The following IGSF11 variants were observed in gnomAD, a reference collection of about 807,000 sequenced individuals.
The protein encoded by IGSF11 is immunoglobulin superfamily member 11.
A neutral mutation model predicts 41.0 loss-of-function variants in IGSF11; 22 were observed. That is an observed-to-expected ratio of 0.54 (90% confidence interval 0.38 to 0.77). The LOEUF is 0.77. IGSF11 is among the 30% of genes least tolerant of loss of function. IGSF11 has a pLI of 0.00. For missense variants in IGSF11, 444 were observed against 530.8 expected (o/e 0.84, Z 1.61); for synonymous variants, 219 against 201.3 (o/e 1.09, Z -0.74).
chr3:119,066,903 T>C (rs779274013), intron 1 of IGSF11, among the ~76,000 whole-genome samples: 4 of 152,218 alleles, frequency 2.6e-5, no homozygotes, highest in Non-Finnish European at 5.9e-5. Context: ...TTCTTAGAGA[T>C]TCCAATTCTC....
intron 1 of IGSF11, among the ~76,000 whole-genome samples, chr3:119,043,924 C>T (rs9873163): frequency 2.5e-3 from 378 of 152,216 alleles, no homozygotes; most frequent in Non-Finnish European, 4.6e-3. Context: ...CCCTTGAGTT[C>T]CAGATCTTTC....
chr3:119,029,316 A>G (rs541683606), intron 1 of IGSF11, among the ~76,000 whole-genome samples: 2 of 152,020 alleles, frequency 1.3e-5, no homozygotes, highest in Non-Finnish European at 2.9e-5. Context: ...GCGGGCAAGC[A>G]CAGGAGGAGA....
chr3:119,103,037 G>T (rs1186884098), intron 1 of IGSF11, among the ~76,000 whole-genome samples: 1 of 132,900 alleles, frequency 7.5e-6, no homozygotes, highest in East Asian at 2.2e-4. Context: ...TCGCTCTGTC[G>T]CCCAGGCTGG....
At chr3:118,917,787 G>A (rs1363940197) in intron 4 of IGSF11, among the ~76,000 whole-genome samples, 6 of 150,972 alleles carry the variant, frequency 4.0e-5, no homozygotes, top group East Asian at 2.0e-4. Context: ...TACCAAAGCC[G>A]GGCAGAGACA....
chr3:118,949,486 T>C (rs1944418055), intron 1 of IGSF11, among the ~76,000 whole-genome samples: 1 of 152,066 alleles, frequency 6.6e-6, no homozygotes, highest in Non-Finnish European at 1.5e-5. Context: ...AATAAGATTC[T>C]CCTGAAATCT....
chr3:118,961,369 C>T (rs1208661319), intron 1 of IGSF11, among the ~76,000 whole-genome samples: 2 of 152,172 alleles, frequency 1.3e-5, no homozygotes, highest in Admixed American at 1.3e-4. Flanking sequence ...TACATCCCCA[C>T]CATACTTATT....
chr3:118,940,100 T>C (rs563068493), intron 1 of IGSF11, among the ~76,000 whole-genome samples: 9 of 152,318 alleles, frequency 5.9e-5, no homozygotes, highest in African/African-American at 1.9e-4. Flanking sequence ...ACAAATTTAA[T>C]GGTAAAAGAT....
intron 1 of IGSF11, among the ~76,000 whole-genome samples, chr3:119,068,170 G>A (rs747180789): frequency 3.9e-5 from 6 of 152,314 alleles, no homozygotes; most frequent in Non-Finnish European, 5.9e-5. Flanking sequence ...AAAGGAGACC[G>A]TCCATAGAGC....
intron 1 of IGSF11, among the ~76,000 whole-genome samples, chr3:119,097,329 C>T (rs1435707485): frequency 6.6e-6 from 1 of 152,116 alleles, no homozygotes; most frequent in African/African-American, 2.4e-5. Flanking sequence ...ATAATTATGG[C>T]ATCTCTCTGC....
intron 1 of IGSF11, among the ~76,000 whole-genome samples, chr3:119,075,050 G>T (rs1011592102): frequency 2.0e-5 from 3 of 152,132 alleles, no homozygotes; most frequent in South Asian, 4.2e-4. Flanking sequence ...CCAAAAGATG[G>T]TTCTTCAAAA....
At chr3:119,046,199 C>T (rs528495549) in intron 1 of IGSF11, among the ~76,000 whole-genome samples, 1 of 149,912 alleles carries the variant, frequency 6.7e-6, no homozygotes, top group Admixed American at 6.6e-5. Flanking sequence ...TTACTCTGAG[C>T]TACGGGAGGA....
At position 119,028,736 on chromosome 3, in the gene IGSF11, C is replaced by A. The variant is rs147078549; in HGVS notation, c.52+5795G>T. Among the ~76,000 whole-genome samples the A allele has an allele frequency of 9.2e-5, 14 of 152,028 alleles. No individual in the cohort carries two copies. In the East Asian group the frequency reaches 2.7e-3, roughly 29 times the overall value. ...AACTATGAAAATTGATCTCTATCAC[C>A]TGTTCCACAAAATATTTACCAAGGT... On this transcript the variant is annotated intron_variant, in intron 1 of 6. Coordinates refer to ENST00000393775, the MANE Select transcript of IGSF11 (RefSeq NM_001015887.3).
chr3:119,051,048 A>C (rs1458206525), intron 1 of IGSF11, among the ~76,000 whole-genome samples: 1 of 151,634 alleles, frequency 6.6e-6, no homozygotes, highest in Non-Finnish European at 1.5e-5. Context: ...CTAATGCTAG[A>C]TGACGAGTTA....
rs1437301527 is a variant in IGSF11 at position 119,017,559 on chromosome 3, A to AGTTT, written c.52+16968_52+16971dup. ...CTCTGTTTCTTAAACCAGGAAGATG[A>AGTTT]GTTTTGGAAACCAAAGGAATTGAGC... On this transcript the variant is annotated intron_variant, in intron 1 of 6. Coordinates refer to ENST00000393775, the MANE Select transcript of IGSF11 (RefSeq NM_001015887.3). Among the ~76,000 whole-genome samples, 5 of 152,322 alleles carry AGTTT rather than the reference A, an allele frequency of 3.3e-5. No homozygotes were observed. The East Asian group carries it at 9.6e-4, about 29-fold the overall frequency.
intron 1 of IGSF11, among the ~76,000 whole-genome samples, chr3:119,111,497 T>A (rs2077158948): frequency 6.6e-6 from 1 of 152,196 alleles, no homozygotes; most frequent in African/African-American, 2.4e-5. Flanking sequence ...TTCATCTAAA[T>A]TTTTTTCAAA....
chr3:119,113,524 T>A (rs1378281287), intron 1 of IGSF11, among the ~76,000 whole-genome samples: 1 of 152,202 alleles, frequency 6.6e-6, no homozygotes. Context: ...CTGTCTCACA[T>A]CCAGGCCATG....
chr3:118,905,487 A>T lies in IGSF11; in HGVS notation c.703+109T>A. The T allele has an allele frequency of 5.4e-6, 6 of 1,112,952 alleles. No homozygotes were observed. In the South Asian group the frequency reaches 7.5e-5, roughly 14 times the overall value. 68.9% of individuals were successfully genotyped at this position (1,112,952 alleles called of 1,614,324 possible). A position where few individuals can be genotyped will look rare whatever the true frequency, so the allele number is the denominator to read the frequency against. On this transcript the variant is annotated intron_variant, in intron 5 of 6. Transcript: ENST00000393775. ...ATTAAAACCAAAACAATTTCTATTT[A>T]ATCTTCAGATAACCTTAAGACAATT... is the stretch of plus-strand genomic sequence containing the variant.
At chr3:118,940,887 GA>G (rs1162430428) in intron 1 of IGSF11, among the ~76,000 whole-genome samples, 6 of 95,930 alleles carry the variant, frequency 6.3e-5, no homozygotes, top group African/African-American at 2.1e-4. Context: ...TGCACTGGGG[GA>G]AAAAATAATC....
chr3:119,040,405 C>T (rs1559828761), intron 1 of IGSF11, among the ~76,000 whole-genome samples: 1 of 152,196 alleles, frequency 6.6e-6, no homozygotes. Flanking sequence ...TAATAAAGCT[C>T]CAGTCTCCCA....
Sources: gnomAD v4.1 joint callset for allele counts (sites outside exome capture counted in the v4.1 genomes callset) on GRCh38, gnomAD v4.1.1 for gene constraint, MANE v1.5 for transcripts, NCBI Gene and HGNC (gene_info 2026-07-23, HGNC 2026-07-21) for gene names.